LMBR1: variants seen among roughly 807,000 people sequenced by gnomAD.
LMBR1 encodes the protein limb development membrane protein 1.
LMBR1 carries 52 observed loss-of-function variants against 73.9 expected under a neutral mutation model. That is an observed-to-expected ratio of 0.70 (90% CI 0.56 to 0.89). The LOEUF (loss-of-function observed/expected upper bound fraction) is 0.89. Ranked by LOEUF, LMBR1 falls within the 40% of genes least tolerant of loss-of-function variation. The probability of loss-of-function intolerance (pLI) is 0.00; values close to 1 mark genes in which losing one functional copy is unlikely to be tolerated. For synonymous variants in LMBR1, 215 were observed against 209.4 expected, an observed-to-expected ratio of 1.03 and a Z score of -0.23; for missense variants, 539 against 579.8, an observed-to-expected ratio of 0.93 and a Z score of 0.72.
intron 3 of LMBR1, among the ~76,000 whole-genome samples, chr7:156,826,996 A>G (rs888342432): frequency 6.6e-6 from 1 of 152,222 alleles, no homozygotes; most frequent in African/African-American, 2.4e-5. Flanking sequence ...ATAAAGACAT[A>G]CTGAAGACAC....
At chr7:156,729,843 A>G (rs1431715081) in intron 10 of LMBR1, among the ~76,000 whole-genome samples, 1 of 152,216 alleles carries the variant, frequency 6.6e-6, no homozygotes, top group Non-Finnish European at 1.5e-5. Flanking sequence ...ACTTTTACCT[A>G]TAACACCAAT....
chr7:156,728,139 A>G (rs533199260), intron 11 of LMBR1, 132 bp from the exon 12 acceptor site: 13 of 613,978 alleles, frequency 2.1e-5, no homozygotes, highest in Middle Eastern at 2.6e-4. Flanking sequence ...ATATAAAACT[A>G]AAGTAATCAG....
intron 9 of LMBR1, 91 bp downstream of exon 9, chr7:156,756,300 CAG>C (rs1173323692): frequency 2.9e-6 from 2 of 686,420 alleles, no homozygotes; most frequent in African/African-American, 3.7e-5. Flanking sequence ...GCACAAGATT[CAG>C]AGAGGTTTAT....
In LMBR1 at chr7:156,688,093, T is replaced by C. The variant is rs1037308313; in HGVS notation, c.1324A>G (p.Thr442Ala). 1 of 1,613,324 alleles carries C rather than the reference T, an allele frequency of 6.2e-7. No individual in the cohort carries two copies. ...AATTTTCGGACCAGACACAATGTTG[T>C]CACAATAGCAAAAAGCAAATTGTAG... Reference protein sequence around the residue: ...LSYNLLFAIVTTLCLVRKFTS... With the variant: ...LSYNLLFAIVATLCLVRKFTS... Residue 442 changes from threonine to alanine, a missense_variant, in exon 16 of 17, where the codon ACA becomes GCA. Around this residue, in one of 3 missense-constraint regions of LMBR1, gnomAD observed 69 missense variants for 68.5 expected, o/e 1.01. Transcript: ENST00000353442.
intron 5 of LMBR1, among the ~76,000 whole-genome samples, chr7:156,783,051 T>C (rs1827435887): frequency 6.6e-6 from 1 of 152,234 alleles, no homozygotes; most frequent in African/African-American, 2.4e-5. Flanking sequence ...TGCACTTCCA[T>C]TAAATTTTTA....
chr7:156,875,444 G>A (rs936378847), intron 1 of LMBR1, among the ~76,000 whole-genome samples: 15 of 152,102 alleles, frequency 9.9e-5, no homozygotes, highest in African/African-American at 3.1e-4. Context: ...AGACCTAGAC[G>A]TCCAAATACA....
chr7:156,814,147 C>A (rs964774370), intron 4 of LMBR1, among the ~76,000 whole-genome samples: 3 of 152,178 alleles, frequency 2.0e-5, no homozygotes, highest in Admixed American at 2.0e-4. Flanking sequence ...AAATTCCTCA[C>A]AAATTCCACA....
chr7:156,874,644 T>C (rs554999300), intron 1 of LMBR1, among the ~76,000 whole-genome samples: 1 of 152,274 alleles, frequency 6.6e-6, no homozygotes, highest in Admixed American at 6.5e-5. Context: ...ACAACCCCAG[T>C]ACCAGCCCTG....
At chr7:156,866,852 T>C (rs899743696) in intron 1 of LMBR1, among the ~76,000 whole-genome samples, 4 of 152,178 alleles carry the variant, frequency 2.6e-5, no homozygotes, top group Non-Finnish European at 5.9e-5. Context: ...TCCACCCGCC[T>C]TGGCCTCCCA....
intron 12 of LMBR1, among the ~76,000 whole-genome samples, chr7:156,727,615 G>A (rs1165687107): frequency 6.6e-6 from 1 of 152,096 alleles, no homozygotes; most frequent in Non-Finnish European, 1.5e-5. Context: ...CTCAGGTGGG[G>A]GGATCTGAAT....
Position 156,709,896 on chromosome 7 carries a change from A to ATTTTTTTTTTTTTT in LMBR1, c.1225+14202_1225+14215dup, listed in dbSNP as rs34487923. 4.2e-4 allele frequency among the ~76,000 whole-genome samples: 38 copies of ATTTTTTTTTTTTTT among 90,354 alleles called. 3 individuals carry two copies. The highest frequency in any genetic ancestry group is 1.0e-3 in the East Asian group (3 of 2,984). The allele number at this position is 90,354 out of a possible 152,430, so 59.3% of individuals were successfully genotyped here. A position where few individuals can be genotyped will look rare whatever the true frequency, so the allele number is the denominator to read the frequency against. On this transcript the variant is annotated intron_variant, in intron 15 of 16. Transcript: ENST00000353442. The stretch of plus-strand genomic sequence containing the variant: ...GCCAGTTAAAGAATTCAGAAGGTTG[A>ATTTTTTTTTTTTTT]TTTTTTTTTTTTTTTTTTTTTTTTT...
intron 5 of LMBR1, among the ~76,000 whole-genome samples, chr7:156,769,408 T>C (rs755035014): frequency 6.6e-6 from 1 of 152,104 alleles, no homozygotes; most frequent in African/African-American, 2.4e-5. Context: ...GTAGGAGTAA[T>C]GTAATTACCA....
At chr7:156,791,990 A>AT (rs1311631989) in intron 5 of LMBR1, among the ~76,000 whole-genome samples, 1 of 152,086 alleles carries the variant, frequency 6.6e-6, no homozygotes, top group South Asian at 2.1e-4. Context: ...AAGTTGCTGA[A>AT]TTTTTTTTCC....
chr7:156,859,414 C>G lies in LMBR1; in HGVS notation c.67-22529G>C, dbSNP rs1367874812. On this transcript the variant is annotated intron_variant, in intron 1 of 16. Transcript: ENST00000353442. ...ATATTTGGAAGAAAGAAATAAAACTCTCTTTGTTCTCTGATGACATGATTG... is the reference window on the plus strand; with the variant it reads ...ATATTTGGAAGAAAGAAATAAAACTGTCTTTGTTCTCTGATGACATGATTG... Among the ~76,000 whole-genome samples, 4 of 152,140 alleles carry G rather than the reference C, an allele frequency of 2.6e-5. No homozygotes were observed. In the East Asian group the frequency reaches 7.7e-4, roughly 29 times the overall value.
rs184757948 is a variant in LMBR1 at position 156,760,996 on chromosome 7, G to C, written c.684+1138C>G. On this transcript the variant is annotated intron_variant, in intron 8 of 16. Coordinates refer to ENST00000353442, the MANE Select transcript of LMBR1 (RefSeq NM_022458.4). ...GGCAACGTTCAAAGCTATGTAGACA[G>C]TGGAGCTGATATTTGAGCTAGGCCG... is the stretch of plus-strand genomic sequence containing the variant. Among the ~76,000 whole-genome samples, 11 of 152,356 alleles carry C rather than the reference G, an allele frequency of 7.2e-5. No homozygotes were observed. In the East Asian group the frequency reaches 1.9e-3, roughly 27 times the overall value.
chr7:156,764,217 C>G (rs1374649821), intron 5 of LMBR1, among the ~76,000 whole-genome samples: 5 of 152,274 alleles, frequency 3.3e-5, no homozygotes, highest in East Asian at 1.9e-4. Flanking sequence ...CCGGCTCTCT[C>G]TAGCATGGAC....
chr7:156,823,676 T>A (rs1328234351), intron 4 of LMBR1: 1 of 152,172 alleles, frequency 6.6e-6, no homozygotes, highest in African/African-American at 2.4e-5. Context: ...TAGCTTAATA[T>A]ATTGCTAAAT....
chr7:156,735,179 TAGA>T (rs1817620615), intron 9 of LMBR1, among the ~76,000 whole-genome samples: 1 of 152,228 alleles, frequency 6.6e-6, no homozygotes, highest in South Asian at 2.1e-4. Context: ...TGAACATTTA[TAGA>T]AGGTTACTTC....
intron 4 of LMBR1, 26 bp downstream of exon 4, chr7:156,826,579 G>A (rs1835732572): frequency 3.0e-6 from 4 of 1,325,360 alleles, no homozygotes; most frequent in Non-Finnish European, 4.0e-6. Flanking sequence ...TATTAATTGT[G>A]ATTATATTAA....
Sources: allele counts gnomAD v4.1 joint callset (sites outside exome capture counted in the v4.1 genomes callset), GRCh38; gene constraint gnomAD v4.1.1; regional missense constraint gnomAD v4.1.1; transcripts MANE v1.5; gene names NCBI Gene and HGNC (gene_info 2026-07-23, HGNC 2026-07-21).